The following SCHIP1 variants were observed in gnomAD, a reference collection of about 807,000 sequenced individuals.
SCHIP1 encodes the protein schwannomin interacting protein 1.
SCHIP1 carries 8 observed loss-of-function variants against 29.7 expected under a neutral mutation model. That is an observed-to-expected ratio of 0.27 (90% CI 0.16 to 0.49). SCHIP1 has a LOEUF of 0.49. Ranked by LOEUF, SCHIP1 falls within the 20% of genes least tolerant of loss-of-function variation. SCHIP1 has a pLI of 0.99. For missense variants in SCHIP1, 193 were observed against 294.6 expected (o/e 0.66, Z 2.52); for synonymous variants, 76 against 94.9 (o/e 0.80, Z 1.16).
chr3:159,616,824 C>A, the SCHIP1 span, among the ~76,000 whole-genome samples: 3 of 152,138 alleles, frequency 2.0e-5, no homozygotes, highest in Non-Finnish European at 4.4e-5. Context: ...GGAACAGCCA[C>A]CATCTGGAAC....
At chr3:159,692,699 G>A in the SCHIP1 span, among the ~76,000 whole-genome samples, 12 of 152,210 alleles carry the variant, frequency 7.9e-5, no homozygotes, top group South Asian at 6.2e-4. Context: ...AGAGTCTGAC[G>A]GTTCTCACTG....
chr3:159,572,159 TCTG>T, the SCHIP1 span, among the ~76,000 whole-genome samples: 1 of 152,206 alleles, frequency 6.6e-6, no homozygotes, highest in Non-Finnish European at 1.5e-5. Flanking sequence ...TTTCTTGCCT[TCTG>T]CTAGCTTTTG....
chr3:159,565,185 G>A, the SCHIP1 span, among the ~76,000 whole-genome samples: 19 of 152,256 alleles, frequency 1.2e-4, no homozygotes, highest in African/African-American at 4.3e-4. Flanking sequence ...TAGGTAGGGA[G>A]CCATCCACTC....
At chr3:159,839,128 A>G (rs1038685381), upstream of SCHIP1, among the ~76,000 whole-genome samples, 14 of 151,954 alleles carry the variant, frequency 9.2e-5, no homozygotes, top group Non-Finnish European at 1.8e-4. Flanking sequence ...AGAAACATGT[A>G]TTGTCTGACT....
At chr3:159,843,086 C>T (rs1022788865) in intron 1 of SCHIP1, among the ~76,000 whole-genome samples, 21 of 136,900 alleles carry the variant, frequency 1.5e-4, no homozygotes, top group African/African-American at 5.5e-4. Flanking sequence ...ATCTCAGTGG[C>T]GCAATCAAAC....
At chr3:159,399,023 C>A in the SCHIP1 span, 49 of 806,744 alleles carry the variant, frequency 6.1e-5, no homozygotes, top group Non-Finnish European at 6.7e-5. Context: ...TATTCTAGTG[C>A]CCACCCCAAA....
chr3:159,460,466 C>G, the SCHIP1 span, among the ~76,000 whole-genome samples: 1 of 152,108 alleles, frequency 6.6e-6, no homozygotes, highest in South Asian at 2.1e-4. Context: ...TAAGGTGGGT[C>G]TTGGAGAATA....
chr3:159,344,134 A>G, the SCHIP1 span, among the ~76,000 whole-genome samples: 5 of 152,030 alleles, frequency 3.3e-5, no homozygotes, highest in African/African-American at 1.2e-4. Context: ...GGAGTTCGAG[A>G]CCAGCCTGAC....
At chr3:159,308,428 G>A in the SCHIP1 span, among the ~76,000 whole-genome samples, 2 of 152,086 alleles carry the variant, frequency 1.3e-5, no homozygotes, top group Non-Finnish European at 2.9e-5. Flanking sequence ...ACGGAAAAAC[G>A]CTCAGCATCA....
the SCHIP1 span, among the ~76,000 whole-genome samples, chr3:159,336,818 C>T: frequency 6.6e-6 from 1 of 152,166 alleles, no homozygotes; most frequent in Admixed American, 6.6e-5. Context: ...ATTGACTTGG[C>T]AATGCAGGCT....
chr3:159,618,952 C>T, the SCHIP1 span, among the ~76,000 whole-genome samples: 1 of 152,338 alleles, frequency 6.6e-6, no homozygotes, highest in East Asian at 1.9e-4. Context: ...TACTCTTCCT[C>T]TCTTTCCCTT....
the SCHIP1 span, among the ~76,000 whole-genome samples, chr3:159,605,073 C>T: frequency 6.6e-6 from 1 of 152,190 alleles, no homozygotes; most frequent in Non-Finnish European, 1.5e-5. Context: ...CATGCACCTA[C>T]AGGGCTGATC....
At chr3:159,331,448 G>C in the SCHIP1 span, among the ~76,000 whole-genome samples, 3 of 152,170 alleles carry the variant, frequency 2.0e-5, no homozygotes. Flanking sequence ...AGGGATATAG[G>C]TGAGGACAGG....
At chr3:159,612,573 T>C in the SCHIP1 span, among the ~76,000 whole-genome samples, 2 of 152,090 alleles carry the variant, frequency 1.3e-5, no homozygotes, top group African/African-American at 2.4e-5. Flanking sequence ...ATGGCGAAAC[T>C]CCGTCTCTAC....
chr3:159,390,991 C>T, the SCHIP1 span, among the ~76,000 whole-genome samples: 1 of 152,138 alleles, frequency 6.6e-6, no homozygotes, highest in African/African-American at 2.4e-5. Flanking sequence ...ATCATCAGAG[C>T]CTGAGCTGAA....
chr3:159,424,724 C>T, the SCHIP1 span, among the ~76,000 whole-genome samples: 2 of 152,066 alleles, frequency 1.3e-5, no homozygotes, highest in Non-Finnish European at 2.9e-5. Context: ...AGAGCAAGTC[C>T]AAGACACATA....
the SCHIP1 span, among the ~76,000 whole-genome samples, chr3:159,672,465 G>T: frequency 6.6e-6 from 1 of 152,154 alleles, no homozygotes; most frequent in South Asian, 2.1e-4. Flanking sequence ...CAAGAAAAAA[G>T]ATTGGAACTT....
chr3:159,736,679 C>T, the SCHIP1 span, among the ~76,000 whole-genome samples: 303 of 151,928 alleles, frequency 2.0e-3, 1 homozygote, highest in Admixed American at 4.3e-3. Flanking sequence ...ATGCCTGCAC[C>T]GGGGCTGCAC....
chr3:159,379,993 G>T, the SCHIP1 span, among the ~76,000 whole-genome samples: 3 of 152,186 alleles, frequency 2.0e-5, no homozygotes, highest in Non-Finnish European at 4.4e-5. Context: ...TTGCATTGCA[G>T]AGCCCTAGTT....
Sources: allele counts gnomAD v4.1 joint callset (sites outside exome capture counted in the v4.1 genomes callset), GRCh38; gene constraint gnomAD v4.1.1; transcripts MANE v1.5; gene names NCBI Gene and HGNC (gene_info 2026-07-23, HGNC 2026-07-21).